The following SOCS5 variants were observed in gnomAD, a reference collection of about 807,000 sequenced individuals.
SOCS5 encodes suppressor of cytokine signaling 5.
A neutral mutation model predicts 42.8 loss-of-function variants in SOCS5; 32 were observed. The ratio of observed to expected loss-of-function variants is 0.75; its 90% CI spans 0.56 to 1.01. The LOEUF (loss-of-function observed/expected upper bound fraction) is 1.01. SOCS5 is among the 50% of genes least tolerant of loss of function. The pLI is 0.00. For synonymous variants in SOCS5, 283 were observed against 229.6 expected, an observed-to-expected ratio of 1.23 and a Z score of -2.10; for missense variants, 627 against 653.0, an observed-to-expected ratio of 0.96 and a Z score of 0.43.
intron 1 of SOCS5, among the ~76,000 whole-genome samples, chr2:46,750,254 A>G (rs1239671590): frequency 6.6e-6 from 1 of 152,208 alleles, no homozygotes; most frequent in Non-Finnish European, 1.5e-5. Flanking sequence ...GGGCTTAAGA[A>G]TAAGATTTCT....
At chr2:46,758,298 A>C (rs1040685570) in intron 1 of SOCS5, among the ~76,000 whole-genome samples, 1 of 152,216 alleles carries the variant, frequency 6.6e-6, no homozygotes, top group Non-Finnish European at 1.5e-5. Context: ...GGACTTGGGA[A>C]GTAATGACTG....
intron 1 of SOCS5, among the ~76,000 whole-genome samples, chr2:46,716,451 G>A (rs1672746916): frequency 8.0e-6 from 1 of 124,662 alleles, no homozygotes; most frequent in Admixed American, 9.8e-5. Context: ...TTTATTTATG[G>A]ATCAACTTTT....
At chr2:46,735,924 T>G (rs778785631) in intron 1 of SOCS5, among the ~76,000 whole-genome samples, 1 of 152,176 alleles carries the variant, frequency 6.6e-6, no homozygotes, top group Non-Finnish European at 1.5e-5. Flanking sequence ...TATGATTCTC[T>G]GTGTTATACT....
At position 46,758,797 on chromosome 2, in the gene SOCS5, T is replaced by C. The variant is rs773988327; in HGVS notation, c.267T>C (p.Ile89=). Residue 89 remains isoleucine, a synonymous_variant, in exon 2 of 2, where the codon ATT becomes ATC. Transcript: ENST00000394861. ...NQNCATEIPQ[I]VEISIEKDND... is the part of the protein sequence containing the mutation. The stretch of plus-strand genomic sequence containing the variant: ...ATTGTGCCACAGAAATCCCTCAAAT[T>C]GTTGAAATAAGCATCGAAAAGGATA... The C allele has an allele frequency of 3.7e-6, 6 of 1,614,146 alleles. No individual in the cohort carries two copies. The highest frequency in any genetic ancestry group is 5.1e-6 in the Non-Finnish European group (6 of 1,180,012).
chr2:46,706,173 G>A (rs1672459284), intron 1 of SOCS5, among the ~76,000 whole-genome samples: 1 of 152,168 alleles, frequency 6.6e-6, no homozygotes, highest in African/African-American at 2.4e-5. Context: ...GATTTATTAT[G>A]ACTGCTCTTT....
intron 1 of SOCS5, among the ~76,000 whole-genome samples, chr2:46,702,415 T>C (rs947522986): frequency 6.6e-6 from 1 of 152,220 alleles, no homozygotes; most frequent in African/African-American, 2.4e-5. Context: ...AGTGAATGTG[T>C]TACTGTTTCT....
intron 1 of SOCS5, among the ~76,000 whole-genome samples, chr2:46,708,556 A>T (rs1672545726): frequency 6.6e-6 from 1 of 152,222 alleles, no homozygotes; most frequent in Non-Finnish European, 1.5e-5. Flanking sequence ...TGCGTTCAGA[A>T]CAAAAAGTAA....
At chr2:46,749,643 A>G (rs911921599) in intron 1 of SOCS5, among the ~76,000 whole-genome samples, 3 of 152,194 alleles carry the variant, frequency 2.0e-5, no homozygotes, top group African/African-American at 7.2e-5. Context: ...GTAGTGTTTT[A>G]TAGACTAAAA....
Position 46,762,467 on chromosome 2 carries a change from A to T in SOCS5, c.*2326A>T. 1 of 166,282 alleles carries T rather than the reference A, an allele frequency of 6.0e-6. No homozygotes were observed. The allele number at this position is 166,282 out of a possible 1,614,324, so 10.3% of individuals were successfully genotyped here. Reference sequence around the variant, plus strand: ...TTTTATAGAAAGTATTAATGCTTTTATGTATTTCAAAACTTTCATATGTTA... The same window carrying T: ...TTTTATAGAAAGTATTAATGCTTTTTTGTATTTCAAAACTTTCATATGTTA... On this transcript the variant is annotated 3_prime_UTR_variant, in exon 2 of 2. Transcript: ENST00000394861.
chr2:46,757,265 T>C (rs1003051052), intron 1 of SOCS5, among the ~76,000 whole-genome samples: 5 of 152,218 alleles, frequency 3.3e-5, no homozygotes, highest in African/African-American at 1.2e-4. Flanking sequence ...CAAGATCAGC[T>C]AAAGTTTTCT....
intron 1 of SOCS5, among the ~76,000 whole-genome samples, chr2:46,732,633 T>C (rs1185349024): frequency 1.3e-5 from 2 of 152,192 alleles, no homozygotes; most frequent in Non-Finnish European, 2.9e-5. Flanking sequence ...CAGAAACTAT[T>C]TCCCAGTGCT....
chr2:46,718,822 G>C (rs1024235793), intron 1 of SOCS5, among the ~76,000 whole-genome samples: 1 of 152,122 alleles, frequency 6.6e-6, no homozygotes, highest in African/African-American at 2.4e-5. Flanking sequence ...AAAGAATAAA[G>C]TATTGGCAAA....
intron 1 of SOCS5, among the ~76,000 whole-genome samples, chr2:46,733,869 G>A (rs896670866): frequency 6.6e-6 from 1 of 152,178 alleles, no homozygotes; most frequent in East Asian, 1.9e-4. Context: ...GTAATTGAAA[G>A]CAGGAATATC....
intron 1 of SOCS5, among the ~76,000 whole-genome samples, chr2:46,745,319 G>C (rs1158599224): frequency 6.6e-6 from 1 of 152,088 alleles, no homozygotes; most frequent in Non-Finnish European, 1.5e-5. Flanking sequence ...AGTTCTTTTA[G>C]GGGGAGACAG....
intron 1 of SOCS5, among the ~76,000 whole-genome samples, chr2:46,727,259 C>T (rs1465413082): frequency 6.6e-6 from 1 of 150,690 alleles, no homozygotes; most frequent in Admixed American, 6.7e-5. Context: ...CGCCATTCTC[C>T]TGCCTCAGCC....
intron 1 of SOCS5, among the ~76,000 whole-genome samples, chr2:46,749,279 C>T (rs1215371811): frequency 3.3e-5 from 5 of 152,204 alleles, no homozygotes; most frequent in Non-Finnish European, 7.3e-5. Context: ...CTAACATGAA[C>T]TAACATGCTT....
intron 1 of SOCS5, among the ~76,000 whole-genome samples, chr2:46,719,370 A>G (rs1450222483): frequency 1.3e-5 from 2 of 152,242 alleles, no homozygotes; most frequent in Non-Finnish European, 2.9e-5. Flanking sequence ...AAACTAAGGC[A>G]GTCTCTCATG....
chr2:46,727,035 C>T (rs1167888303), intron 1 of SOCS5, among the ~76,000 whole-genome samples: 1 of 151,984 alleles, frequency 6.6e-6, no homozygotes, highest in Non-Finnish European at 1.5e-5. Flanking sequence ...GGATTACAGG[C>T]ATGAGCCATT....
At chr2:46,743,547 G>A (rs1041839433) in intron 1 of SOCS5, among the ~76,000 whole-genome samples, 1 of 152,082 alleles carries the variant, frequency 6.6e-6, no homozygotes, top group African/African-American at 2.4e-5. Flanking sequence ...CTTCTGTCAT[G>A]CAGCCTGTTT....
Sources: allele counts gnomAD v4.1 joint callset (sites outside exome capture counted in the v4.1 genomes callset), GRCh38; gene constraint gnomAD v4.1.1; transcripts MANE v1.5; gene names NCBI Gene and HGNC (gene_info 2026-07-23, HGNC 2026-07-21).